The following KANK1 variants were observed in gnomAD, a reference collection of about 807,000 sequenced individuals.
KANK1 encodes the protein KN motif and ankyrin repeat domains 1.
KANK1 carries 109 observed loss-of-function variants against 106.2 expected under a neutral mutation model. That is an observed-to-expected ratio of 1.03 (90% CI 0.88 to 1.20). The LOEUF is 1.20. KANK1 is among the 50% of genes most tolerant of loss of function. KANK1 has a pLI of 0.00. For missense variants in KANK1, 2,399 were observed against 1,710.7 expected (o/e 1.40, Z -7.10); for synonymous variants, 873 against 652.2 (o/e 1.34, Z -5.16).
At chr9:494,508 C>T (rs1564122206) in intron 3 of KANK1, among the ~76,000 whole-genome samples, 1 of 152,132 alleles carries the variant, frequency 6.6e-6, no homozygotes, top group African/African-American at 2.4e-5. Context: ...ATAGCAGAAG[C>T]AATGGTATAT....
chr9:740,978 A>T (rs201820480), intron 9 of KANK1, 44 bp downstream of exon 9: 1 of 1,607,278 alleles, frequency 6.2e-7, no homozygotes, highest in East Asian at 2.2e-5. Flanking sequence ...ACCCGTAACC[A>T]GCAGACAGGA....
At chr9:608,469 C>G (rs1467442140) in intron 1 of KANK1, among the ~76,000 whole-genome samples, 1 of 151,686 alleles carries the variant, frequency 6.6e-6, no homozygotes, top group Non-Finnish European at 1.5e-5. Context: ...CTAATGTTGG[C>G]CAATGTTACC....
At chr9:560,334 G>A (rs1434382710) in intron 1 of KANK1, among the ~76,000 whole-genome samples, 1 of 152,194 alleles carries the variant, frequency 6.6e-6, no homozygotes, top group African/African-American at 2.4e-5. Context: ...TAAGATAGAT[G>A]AATGTGTTGC....
intron 1 of KANK1, among the ~76,000 whole-genome samples, chr9:552,553 G>T (rs1476225126): frequency 6.6e-6 from 1 of 152,150 alleles, no homozygotes; most frequent in Non-Finnish European, 1.5e-5. Context: ...GTTATTAGCT[G>T]CACAAAGGAA....
At chr9:522,482 G>T (rs955078249) in intron 1 of KANK1, among the ~76,000 whole-genome samples, 2 of 151,480 alleles carry the variant, frequency 1.3e-5, no homozygotes, top group Non-Finnish European at 2.9e-5. Flanking sequence ...CATACTGGGG[G>T]TACTCAGTAC....
chr9:615,978 A>T (rs1831721545), intron 1 of KANK1, among the ~76,000 whole-genome samples: 1 of 152,156 alleles, frequency 6.6e-6, no homozygotes, highest in Admixed American at 6.5e-5. Flanking sequence ...CTGCCCAGAC[A>T]AGCCTCTTGA....
At chr9:506,506 C>T (rs1021301689) in intron 1 of KANK1, among the ~76,000 whole-genome samples, 1 of 149,666 alleles carries the variant, frequency 6.7e-6, no homozygotes, top group African/African-American at 2.6e-5. Context: ...CGAGGTTCTG[C>T]CTCAGCGAAA....
intron 1 of KANK1, among the ~76,000 whole-genome samples, chr9:565,397 G>C (rs555461915): frequency 4.4e-4 from 67 of 152,330 alleles, no homozygotes; most frequent in African/African-American, 1.6e-3. Flanking sequence ...AGCATAACTT[G>C]TGTAGTCACC....
chr9:680,084 A>C (rs1817235006), intron 2 of KANK1, among the ~76,000 whole-genome samples: 1 of 152,190 alleles, frequency 6.6e-6, no homozygotes, highest in Admixed American at 6.5e-5. Flanking sequence ...ATTTGGGTTT[A>C]GTAGGAGTTT....
rs1815456707 is a variant in KANK1, at chr9:672,671, T to A, written c.-83-4219T>A. Among the ~76,000 whole-genome samples the A allele has an allele frequency of 2.0e-5, 3 of 152,338 alleles. No homozygotes were observed. The South Asian group carries it at 6.2e-4, about 32-fold the overall frequency. On this transcript the variant is annotated intron_variant, in intron 1 of 11. Coordinates refer to ENST00000382297, the MANE Select transcript of KANK1 (RefSeq NM_015158.5). ...CTACTTGTTTGCATTGGTGTATTTTTATCAAAGTTCTAGTGTGCTGTTTTT... is the reference window on the plus strand; with the variant it reads ...CTACTTGTTTGCATTGGTGTATTTTAATCAAAGTTCTAGTGTGCTGTTTTT...
chr9:697,157 A>G (rs1448045658), intron 2 of KANK1, among the ~76,000 whole-genome samples: 1 of 151,854 alleles, frequency 6.6e-6, no homozygotes, highest in Non-Finnish European at 1.5e-5. Flanking sequence ...TCCATCTGAA[A>G]AGTTCTCGTT....
At chr9:551,745 G>A (rs1361536752) in intron 1 of KANK1, among the ~76,000 whole-genome samples, 3 of 152,040 alleles carry the variant, frequency 2.0e-5, no homozygotes, top group Non-Finnish European at 2.9e-5. Flanking sequence ...TTATAATGGT[G>A]ATAAGAGTTA....
At chr9:718,298 CTTTTTTTTTTTTT>C (rs60145502) in intron 3 of KANK1, among the ~76,000 whole-genome samples, 2 of 74,088 alleles carry the variant, frequency 2.7e-5, no homozygotes, top group Non-Finnish European at 4.9e-5. Context: ...CTTGCTGTGT[CTTTTTTTTTTTTT>C]TTTTTTTTTT....
At chr9:473,133 G>C (rs1427418363) in intron 2 of KANK1, 1 of 152,188 alleles carries the variant, frequency 6.6e-6, no homozygotes, top group Non-Finnish European at 1.5e-5. Context: ...CCCTGTGTTG[G>C]TGCATTGCAT....
intron 1 of KANK1, among the ~76,000 whole-genome samples, chr9:578,231 T>A (rs1022760478): frequency 2.6e-5 from 4 of 152,212 alleles, no homozygotes; most frequent in African/African-American, 9.7e-5. Flanking sequence ...TTTATTTGCT[T>A]CAAACAAAGT....
intron 1 of KANK1, among the ~76,000 whole-genome samples, chr9:572,698 AC>A (rs1224459364): frequency 6.6e-6 from 1 of 152,062 alleles, no homozygotes; most frequent in African/African-American, 2.4e-5. Context: ...GTCCAGCCCT[AC>A]TTTTGCTTTT....
chr9:566,354 A>G (rs1817808072), intron 1 of KANK1, among the ~76,000 whole-genome samples: 1 of 152,058 alleles, frequency 6.6e-6, no homozygotes, highest in Non-Finnish European at 1.5e-5. Context: ...AATGATTTAT[A>G]TTTCTTTTGG....
chr9:609,346 G>T (rs1830053261), intron 1 of KANK1, among the ~76,000 whole-genome samples: 1 of 152,246 alleles, frequency 6.6e-6, no homozygotes, highest in African/African-American at 2.4e-5. Context: ...AGAATCAATA[G>T]GCTGGGCATC....
At chr9:700,749 G>A (rs1396970662) in intron 2 of KANK1, among the ~76,000 whole-genome samples, 1 of 152,204 alleles carries the variant, frequency 6.6e-6, no homozygotes, top group Non-Finnish European at 1.5e-5. Context: ...TCAACAGTCA[G>A]GTGTGGTATC....
Sources: gnomAD v4.1 joint callset for allele counts (sites outside exome capture counted in the v4.1 genomes callset) on GRCh38, gnomAD v4.1.1 for gene constraint, MANE v1.5 for transcripts, NCBI Gene and HGNC (gene_info 2026-07-23, HGNC 2026-07-21) for gene names.